The following ME1 variants were observed in gnomAD, a reference collection of about 807,000 sequenced individuals.
The protein encoded by ME1 is malic enzyme 1.
In ME1, 74 loss-of-function variants were observed where a neutral mutation model predicts 66.4. That is an observed-to-expected ratio of 1.11 (90% CI 0.92 to 1.35). The LOEUF (loss-of-function observed/expected upper bound fraction) is 1.35, where lower values mean the gene tolerates loss of function less well. Among genes scored for constraint, ME1 ranks in the 40% most tolerant of loss-of-function variants. The pLI, the probability that ME1 is intolerant of heterozygous loss-of-function variation, is 0.00. For synonymous variants in ME1, 251 were observed against 235.6 expected, an observed-to-expected ratio of 1.07 and a Z score of -0.60; for missense variants, 750 against 694.1, an observed-to-expected ratio of 1.08 and a Z score of -0.90.
chr6:83,307,208 C>A (rs966143325), intron 6 of ME1, among the ~76,000 whole-genome samples: 13 of 151,236 alleles, frequency 8.6e-5, no homozygotes, highest in African/African-American at 3.2e-4. Flanking sequence ...TTTCATGACC[C>A]ACCATTTTTG....
At chr6:83,369,754 G>C (rs114329786) in intron 3 of ME1, among the ~76,000 whole-genome samples, 1 of 151,762 alleles carries the variant, frequency 6.6e-6, no homozygotes, top group Non-Finnish European at 1.5e-5. Flanking sequence ...CATAGAAAAC[G>C]ATTTTTTTAT....
intron 5 of ME1, among the ~76,000 whole-genome samples, chr6:83,320,704 TAC>T (rs1011297523): frequency 1.3e-5 from 2 of 152,232 alleles, no homozygotes; most frequent in African/African-American, 4.8e-5. Flanking sequence ...AAAAAAATGC[TAC>T]GTTTCCCCTT....
chr6:83,312,873 G>C (rs1193759790), intron 6 of ME1, among the ~76,000 whole-genome samples: 7 of 152,122 alleles, frequency 4.6e-5, no homozygotes, highest in African/African-American at 1.7e-4. Context: ...TCGTCTCTCA[G>C]CCTCTGAGTA....
intron 1 of ME1, 132 bp downstream of exon 1, chr6:83,430,745 G>T (rs547684647): frequency 5.9e-4 from 428 of 721,378 alleles, no homozygotes; most frequent in Non-Finnish European, 6.8e-4. Context: ...GGCCCCCCAG[G>T]CCGCGGCCGC....
intron 9 of ME1, among the ~76,000 whole-genome samples, chr6:83,234,609 C>G (rs1210597707): frequency 6.6e-6 from 1 of 152,178 alleles, no homozygotes; most frequent in Non-Finnish European, 1.5e-5. Flanking sequence ...TAAATACCTA[C>G]TGAATTAAGT....
At chr6:83,243,557 C>T (rs1180221) in intron 7 of ME1, among the ~76,000 whole-genome samples, 4,793 of 45,036 alleles carry the variant, frequency 0.11, 255 homozygotes, top group African/African-American at 0.24. Flanking sequence ...TATATTATAT[C>T]GATATAATCT....
chr6:83,341,212 T>A (rs900142443), intron 5 of ME1, among the ~76,000 whole-genome samples: 2 of 152,154 alleles, frequency 1.3e-5, no homozygotes, highest in Non-Finnish European at 2.9e-5. Flanking sequence ...ATATTTCATA[T>A]CCATACTGGA....
chr6:83,249,558 T>G (rs1337568981), intron 7 of ME1, among the ~76,000 whole-genome samples: 2 of 152,202 alleles, frequency 1.3e-5, no homozygotes, highest in Non-Finnish European at 2.9e-5. Flanking sequence ...CCTTTCAGTT[T>G]ATAGGGTATT....
At chr6:83,389,203 T>A (rs1401099875) in intron 3 of ME1, among the ~76,000 whole-genome samples, 3 of 152,212 alleles carry the variant, frequency 2.0e-5, no homozygotes, top group African/African-American at 7.2e-5. Context: ...CTATTATTTA[T>A]GAGAATTTGC....
intron 6 of ME1, among the ~76,000 whole-genome samples, chr6:83,277,447 C>A (rs1767203749): frequency 6.6e-6 from 1 of 152,180 alleles, no homozygotes; most frequent in African/African-American, 2.4e-5. Context: ...AGTATGTTGG[C>A]TCTGTGTCAT....
chr6:83,396,882 G>A (rs1005482494), intron 3 of ME1, among the ~76,000 whole-genome samples: 7 of 152,020 alleles, frequency 4.6e-5, no homozygotes, highest in African/African-American at 1.7e-4. Context: ...AAAGTGAAAT[G>A]GAGAAAGAAC....
At chr6:83,229,850 G>A (rs775591635) in intron 9 of ME1, among the ~76,000 whole-genome samples, 2 of 152,162 alleles carry the variant, frequency 1.3e-5, no homozygotes, top group Non-Finnish European at 2.9e-5. Context: ...TGTTTGAAAT[G>A]AGGTCTCATT....
At chr6:83,362,746 T>C (rs1158765354) in intron 3 of ME1, among the ~76,000 whole-genome samples, 1 of 152,200 alleles carries the variant, frequency 6.6e-6, no homozygotes, top group Non-Finnish European at 1.5e-5. Flanking sequence ...TGGATATGAG[T>C]TTGCCTATCC....
chr6:83,281,823 AAAAAAAAAAAAAGAAAAG>A, intron 6 of ME1, among the ~76,000 whole-genome samples: 4 of 143,524 alleles, frequency 2.8e-5, no homozygotes, highest in South Asian at 2.2e-4. Context: ...AAAAAAAAAA[AAAAAAAAAAAAAGAAAAG>A]AAAACAAAAA....
intron 5 of ME1, among the ~76,000 whole-genome samples, chr6:83,318,903 C>A (rs1768094130): frequency 9.0e-6 from 1 of 111,244 alleles, no homozygotes; most frequent in Non-Finnish European, 1.8e-5. Flanking sequence ...GGAACCAACC[C>A]AAATGTCCAA....
chr6:83,420,175 C>A (rs1770238088), intron 1 of ME1, among the ~76,000 whole-genome samples: 1 of 152,108 alleles, frequency 6.6e-6, no homozygotes, highest in African/African-American at 2.4e-5. Flanking sequence ...TCAAGTGATT[C>A]TCCTGTCTCA....
At chr6:83,341,937 G>A (rs1768593339) in intron 5 of ME1, among the ~76,000 whole-genome samples, 1 of 152,104 alleles carries the variant, frequency 6.6e-6, no homozygotes, top group Admixed American at 6.6e-5. Context: ...CCTCTGATTG[G>A]TTGCTGTCCC....
intron 13 of ME1, 131 bp downstream of exon 13, chr6:83,216,367 T>G: frequency 2.8e-6 from 2 of 706,036 alleles, no homozygotes; most frequent in Non-Finnish European, 4.9e-6. Context: ...TGTGCCTCAT[T>G]TCTCTGACTT....
At chr6:83,222,048 T>C (rs1790101331) in intron 12 of ME1, among the ~76,000 whole-genome samples, 1 of 152,120 alleles carries the variant, frequency 6.6e-6, no homozygotes, top group South Asian at 2.1e-4. Flanking sequence ...GAGAGTAAAC[T>C]GAAAATATTT....
Sources: gnomAD v4.1 joint callset for allele counts (sites outside exome capture counted in the v4.1 genomes callset) on GRCh38, gnomAD v4.1.1 for gene constraint, MANE v1.5 for transcripts, NCBI Gene and HGNC (gene_info 2026-07-23, HGNC 2026-07-21) for gene names.